Variants in HP1BP3 observed in about 807,000 individuals in gnomAD.
HP1BP3 encodes heterochromatin protein 1-binding protein 3.
In HP1BP3, 12 loss-of-function variants were observed where a neutral mutation model predicts 62.5. That is an observed-to-expected ratio of 0.19 (90% confidence interval 0.12 to 0.31). The LOEUF (loss-of-function observed/expected upper bound fraction) is 0.31, where lower values mean the gene tolerates loss of function less well. HP1BP3 is among the 10% of genes least tolerant of loss of function. HP1BP3 has a pLI of 1.00. For synonymous variants in HP1BP3, 260 were observed against 237.8 expected, an observed-to-expected ratio of 1.09 and a Z score of -0.86; for missense variants, 502 against 651.8, an observed-to-expected ratio of 0.77 and a Z score of 2.50.
intron 4 of HP1BP3, chr1:20,775,579 A>T: frequency 6.0e-6 from 1 of 165,514 alleles, no homozygotes; most frequent in Non-Finnish European, 1.3e-5. Flanking sequence ...CTTTGCATTC[A>T]CTTACCACTC....
rs2055134341 is a variant in HP1BP3, at chr1:20,743,186, A to C, written c.*1611T>G. The C allele has an allele frequency of 1.3e-5, 2 of 152,510 alleles. No homozygotes were observed. Among genetic ancestry groups the C allele is most frequent in the South Asian group, 2.1e-4 (1 of 4,830 alleles). The allele number at this position is 152,510 out of a possible 1,614,324, so 9.4% of individuals were successfully genotyped here. ...TGATATCAAAAGTGCTGTGGAAAGA[A>C]AGGAGGGGAAAAAAACCCACAAATA... On this transcript the variant is annotated 3_prime_UTR_variant, in exon 13 of 13. Coordinates refer to ENST00000438032, the MANE Select transcript of HP1BP3 (RefSeq NM_001372052.1).
chr1:20,779,720 A>AAC (rs1553164707), intron 3 of HP1BP3, 92 bp downstream of exon 3: 9 of 820,210 alleles, frequency 1.1e-5, no homozygotes, highest in African/African-American at 7.1e-5. Flanking sequence ...TGAAAAAAAA[A>AAC]AAAAAACAAT....
At chr1:20,758,329 T>C (rs1382191945) in intron 8 of HP1BP3, among the ~76,000 whole-genome samples, 4 of 151,652 alleles carry the variant, frequency 2.6e-5, no homozygotes, top group Non-Finnish European at 5.9e-5. Context: ...CTAAGAGACT[T>C]AAACCCTATG....
chr1:20,744,850 AT>A lies in HP1BP3; in HGVS notation c.1608del (p.Lys536AsnfsTer10). The A allele has an allele frequency of 6.2e-7, 1 of 1,613,750 alleles. No homozygotes were observed. The highest frequency in any genetic ancestry group is 8.5e-7 in the Non-Finnish European group (1 of 1,179,976). On this transcript the variant is annotated frameshift_variant, in exon 13 of 13. Transcript: ENST00000438032. LOFTEE classifies it high-confidence loss of function. The part of the protein sequence containing the change: ...KPATSARKEV[K>X]LPGKGKSTMK... ...ATGGTGGATTTGCCCTTGCCCGGCAATTTTACTTCCTTTCTTGCACTGGTTG... is the reference window on the plus strand; with the variant it reads ...ATGGTGGATTTGCCCTTGCCCGGCAATTTACTTCCTTTCTTGCACTGGTTG...
At position 20,744,880 on chromosome 1, in the gene HP1BP3, G is replaced by C; in HGVS notation, c.1579C>G (p.Pro527Ala). 6.2e-7 allele frequency: 1 copy of C among 1,614,166 alleles called. No individual in the cohort carries two copies. Among genetic ancestry groups the C allele is most frequent in the Non-Finnish European group, 8.5e-7 (1 of 1,180,028 alleles). ...ACTTCCTTTCTTGCACTGGTTGCAG[G>C]CTTCTTTGAGGAGCCACCACTAGGT... ...KKPSGGSSKK[P>A]ATSARKEVKL... is the part of the protein sequence containing the mutation. The change falls in exon 13 of 13, where the codon CCT becomes GCT. Residue 527 changes from proline to alanine, a missense_variant. Physicochemically the swap from Pro to Ala is conservative, Grantham distance 27. Transcript: ENST00000438032.
At chr1:20,747,935 T>C (rs887311859) in intron 10 of HP1BP3, among the ~76,000 whole-genome samples, 1 of 152,204 alleles carries the variant, frequency 6.6e-6, no homozygotes, top group African/African-American at 2.4e-5. Flanking sequence ...CAGGCTGGTC[T>C]CAAACTCCTG....
chr1:20,786,998 C>A (rs2057873182), intron 1 of HP1BP3, among the ~76,000 whole-genome samples, 197 bp downstream of exon 1: 1 of 151,924 alleles, frequency 6.6e-6, no homozygotes, highest in Non-Finnish European at 1.5e-5. Flanking sequence ...GGGGCTAGGT[C>A]GCAGGAGAGA....
chr1:20,745,782 G>T, intron 11 of HP1BP3, 126 bp from the exon 12 acceptor site: 1 of 881,490 alleles, frequency 1.1e-6, no homozygotes, highest in Non-Finnish European at 1.7e-6. Context: ...GTCAAGCTAG[G>T]TTACACGTAT....
chr1:20,769,163 C>T (rs2056934017), intron 6 of HP1BP3, among the ~76,000 whole-genome samples: 1 of 152,168 alleles, frequency 6.6e-6, no homozygotes, highest in South Asian at 2.1e-4. Context: ...AATCATAGCT[C>T]ATTGCTATGT....
intron 8 of HP1BP3, among the ~76,000 whole-genome samples, chr1:20,760,751 G>A (rs1043934811): frequency 6.6e-6 from 1 of 152,044 alleles, no homozygotes; most frequent in East Asian, 1.9e-4. Context: ...CAGGAAAATC[G>A]CTTGAACCGA....
chr1:20,750,806 T>C (rs908972331), intron 9 of HP1BP3, among the ~76,000 whole-genome samples: 11 of 143,350 alleles, frequency 7.7e-5, no homozygotes, highest in Non-Finnish European at 1.6e-4. Context: ...ACAATAAATA[T>C]ATTTTCTCTC....
chr1:20,752,341 C>T (rs930085401), intron 9 of HP1BP3, among the ~76,000 whole-genome samples: 7 of 151,744 alleles, frequency 4.6e-5, no homozygotes, highest in African/African-American at 1.2e-4. Flanking sequence ...GTTGCCCAGG[C>T]TGGAGTGTAA....
chr1:20,747,837 C>G (rs2055437042), intron 10 of HP1BP3, among the ~76,000 whole-genome samples, 182 bp from the exon 11 acceptor site: 1 of 152,102 alleles, frequency 6.6e-6, no homozygotes, highest in Non-Finnish European at 1.5e-5. Flanking sequence ...ATAAGTTTGG[C>G]AAGAGTTAAA....
At chr1:20,763,259 AAT>A (rs1228290667) in intron 8 of HP1BP3, among the ~76,000 whole-genome samples, 3 of 152,216 alleles carry the variant, frequency 2.0e-5, no homozygotes, top group African/African-American at 2.4e-5. Flanking sequence ...AGAATAGTGA[AAT>A]ATGTTTCCAT....
chr1:20,755,268 T>A, intron 9 of HP1BP3: 1 of 376,694 alleles, frequency 2.7e-6, no homozygotes, highest in Admixed American at 2.8e-5. Context: ...GAGGAGGATA[T>A]GGAGAAACTC....
intron 8 of HP1BP3, among the ~76,000 whole-genome samples, chr1:20,758,819 TG>T (rs907378158): frequency 6.6e-6 from 1 of 151,274 alleles, no homozygotes; most frequent in Non-Finnish European, 1.5e-5. Context: ...AGCTAATTTT[TG>T]TTATTTTTTT....
chr1:20,750,043 G>C lies in HP1BP3; in HGVS notation c.982-161C>G. 8 of 1,370,102 alleles carry C rather than the reference G, an allele frequency of 5.8e-6. No homozygotes were observed. In the South Asian group the frequency reaches 1.3e-4, roughly 22 times the overall value. The allele number at this position is 1,370,102 out of a possible 1,614,324, so 84.9% of individuals were successfully genotyped here. A position where few individuals can be genotyped will look rare whatever the true frequency, so the allele number is the denominator to read the frequency against. On this transcript the variant is annotated intron_variant, in intron 9 of 12. Coordinates refer to ENST00000438032, the MANE Select transcript of HP1BP3 (RefSeq NM_001372052.1). ...GGGACTTTCTCTTCCCATTCAACAG[G>C]TATTCAATCTAACTGAGAAGTCCCA...
intron 6 of HP1BP3, among the ~76,000 whole-genome samples, chr1:20,767,997 C>T (rs1025260711): frequency 2.7e-5 from 4 of 148,098 alleles, no homozygotes; most frequent in Admixed American, 1.4e-4. Context: ...ACAAAAATGT[C>T]CCAAAAAAGG....
intron 1 of HP1BP3, among the ~76,000 whole-genome samples, chr1:20,781,649 C>T (rs1009692916): frequency 5.3e-5 from 8 of 151,798 alleles, no homozygotes; most frequent in African/African-American, 1.9e-4. Context: ...TTTTTTGAGA[C>T]GGAGTCTTGC....
Sources: gnomAD v4.1 joint callset for allele counts (sites outside exome capture counted in the v4.1 genomes callset) on GRCh38, gnomAD v4.1.1 for gene constraint, MANE v1.5 for transcripts, NCBI Gene and HGNC (gene_info 2026-07-23, HGNC 2026-07-21) for gene names.